Variants in SCYL2 observed in about 807,000 individuals in gnomAD.
SCYL2 encodes the protein SCY1 like pseudokinase 2.
SCYL2 carries 36 observed loss-of-function variants against 100.4 expected under a neutral mutation model. The ratio of observed to expected loss-of-function variants is 0.36; its 90% confidence interval spans 0.27 to 0.47. The LOEUF is 0.47. SCYL2 is among the 20% of genes least tolerant of loss of function. SCYL2 has a pLI of 1.00. For synonymous variants in SCYL2, 330 were observed against 359.2 expected (o/e 0.92, Z 0.92); for missense variants, 902 against 1,083.9 (o/e 0.83, Z 2.36).
intron 3 of SCYL2, among the ~76,000 whole-genome samples, chr12:100,294,009 T>C (rs1253169265): frequency 1.3e-5 from 2 of 151,544 alleles, no homozygotes; most frequent in African/African-American, 4.8e-5. Context: ...AAAGCCGCGA[T>C]TGTCATCCTG....
intron 13 of SCYL2, among the ~76,000 whole-genome samples, chr12:100,332,306 C>G (rs1255899424): frequency 6.6e-6 from 1 of 152,122 alleles, no homozygotes; most frequent in African/African-American, 2.4e-5. Context: ...GGCAGGTGTA[C>G]AGCATAGAAC....
At chr12:100,322,347 T>G (rs1592963199) in intron 10 of SCYL2, among the ~76,000 whole-genome samples, 2 of 116,566 alleles carry the variant, frequency 1.7e-5, no homozygotes, top group Non-Finnish European at 3.2e-5. Context: ...CACTCCAGCC[T>G]GGGCGACAGA....
At chr12:100,324,242 T>C (rs1294968276) in intron 11 of SCYL2, among the ~76,000 whole-genome samples, 1 of 152,198 alleles carries the variant, frequency 6.6e-6, no homozygotes, top group Non-Finnish European at 1.5e-5. Flanking sequence ...TTATCTCATA[T>C]TGAAAGCAAT....
At chr12:100,319,079 T>A (rs1020070767) in intron 10 of SCYL2, 17 of 321,374 alleles carry the variant, frequency 5.3e-5, no homozygotes, top group Admixed American at 1.2e-4. Flanking sequence ...AGGATTTTTT[T>A]AAGTTATTTA....
intron 14 of SCYL2, among the ~76,000 whole-genome samples, 189 bp from the exon 15 acceptor site, chr12:100,335,436 G>T (rs1952263072): frequency 6.6e-6 from 1 of 151,922 alleles, no homozygotes; most frequent in Admixed American, 6.6e-5. Context: ...TTTAAGAAAT[G>T]GACTTACATA....
Position 100,298,084 on chromosome 12 carries a change from T to G in SCYL2, c.389T>G (p.Leu130Arg), listed in dbSNP as rs1054257591. 2 of 1,611,800 alleles carry G rather than the reference T, an allele frequency of 1.2e-6. No homozygotes were observed. The highest frequency in any genetic ancestry group is 8.5e-7 in the Non-Finnish European group (1 of 1,179,042). ...GTTTTTGCCAGTTTAGCCAATGTTC[T>G]TGGTAACTGGGAAAATCTACCTTCC... ...EPVFASLANV[L>R]GNWENLPSPI... The change falls in exon 4 of 18, where the codon CTT (leucine) becomes CGT (arginine). Residue 130 changes from leucine to arginine, a missense_variant. By Grantham distance (102) the Leu-to-Arg change is moderately radical. Transcript: ENST00000360820.
rs544032106 is a variant in SCYL2, at chr12:100,339,361, T to G, written c.*189T>G. ...CTAACCAGTTGAGTTTTTTAAAGCATTGAGGATTTTTTCCTCTTACCAACT... is the reference window on the plus strand; with the variant it reads ...CTAACCAGTTGAGTTTTTTAAAGCAGTGAGGATTTTTTCCTCTTACCAACT... On this transcript the variant is annotated 3_prime_UTR_variant, in exon 18 of 18. Transcript: ENST00000360820. The G allele has an allele frequency of 1.7e-6, 1 of 576,458 alleles. No homozygotes were observed. Among genetic ancestry groups the G allele is most frequent in the African/African-American group, 1.9e-5 (1 of 52,726 alleles). 35.7% of individuals were successfully genotyped at this position (576,458 alleles called of 1,614,324 possible).
Position 100,312,860 on chromosome 12 carries a change from G to A in SCYL2, c.852+207G>A, listed in dbSNP as rs186584224. ...AGGCCAGGTGCTCTGGCTCACGCCT[G>A]TAATCCCAGCACTTGGGGAGACCCA... is the stretch of plus-strand genomic sequence containing the variant. On this transcript the variant is annotated intron_variant, in intron 6 of 17. Transcript: ENST00000360820. Among the ~76,000 whole-genome samples, 78 of 152,280 alleles carry A rather than the reference G, an allele frequency of 5.1e-4. 2 individuals are homozygous for A. Among genetic ancestry groups the A allele is most frequent in the Middle Eastern group, 3.4e-3 (1 of 294 alleles).
At chr12:100,332,140 G>A (rs774207775) in intron 13 of SCYL2, among the ~76,000 whole-genome samples, 2 of 152,264 alleles carry the variant, frequency 1.3e-5, no homozygotes, top group Non-Finnish European at 1.5e-5. Flanking sequence ...GTGAAATCAC[G>A]CAGGATTCCC....
intron 16 of SCYL2, among the ~76,000 whole-genome samples, chr12:100,336,835 T>C (rs2135946037): frequency 6.6e-6 from 1 of 152,280 alleles, no homozygotes; most frequent in African/African-American, 2.4e-5. Context: ...GGCATTCTTC[T>C]ATTCATTCAT....
chr12:100,312,529 G>C lies in SCYL2; in HGVS notation c.728G>C (p.Cys243Ser). 1 of 1,613,526 alleles carries C rather than the reference G, an allele frequency of 6.2e-7. No individual in the cohort carries two copies. Among genetic ancestry groups the C allele is most frequent in the South Asian group, 1.1e-5 (1 of 91,068 alleles). The change falls in exon 6 of 18, where the codon TGT becomes TCT. Residue 243 changes from cysteine to serine, a missense_variant. Transcript: ENST00000360820. Reference sequence around the variant, plus strand: ...CCTGAATACATACTTTCTGTGAGCTGTGAAACAGCCAGTGATATGTATTCT... The same window carrying C: ...CCTGAATACATACTTTCTGTGAGCTCTGAAACAGCCAGTGATATGTATTCT... ...LAPEYILSVS[C>S]ETASDMYSLG... is the part of the protein sequence containing the mutation.
chr12:100,267,316 G>A lies in SCYL2; in HGVS notation c.-505G>A, dbSNP rs1051000290. ...GAGTCAGTGGCCAGGCACGAAGGCAGAGCAGGAACAGCCAGGAGGCGTTTA... is the reference window on the plus strand; with the variant it reads ...GAGTCAGTGGCCAGGCACGAAGGCAAAGCAGGAACAGCCAGGAGGCGTTTA... On this transcript the variant is annotated 5_prime_UTR_variant, in exon 1 of 18. Coordinates refer to ENST00000360820, the MANE Select transcript of SCYL2 (RefSeq NM_017988.6). The A allele has an allele frequency of 3.9e-5, 18 of 464,292 alleles. No individual in the cohort carries two copies. In the South Asian group the frequency reaches 5.7e-4, roughly 15 times the overall value. The allele number at this position is 464,292 out of a possible 1,614,324, so 28.8% of individuals were successfully genotyped here.
At chr12:100,283,968 C>G (rs2096301695) in intron 2 of SCYL2, among the ~76,000 whole-genome samples, 1 of 152,080 alleles carries the variant, frequency 6.6e-6, no homozygotes, top group African/African-American at 2.4e-5. Context: ...TTGCTTTTTT[C>G]TTCAATTCAC....
intron 4 of SCYL2, among the ~76,000 whole-genome samples, chr12:100,307,853 A>G (rs2096336573): frequency 6.6e-6 from 1 of 152,260 alleles, no homozygotes; most frequent in Non-Finnish European, 1.5e-5. Context: ...ACTTCTGAAA[A>G]GGACATTTAT....
At chr12:100,294,422 G>T (rs1391112217) in intron 3 of SCYL2, among the ~76,000 whole-genome samples, 8 of 102,448 alleles carry the variant, frequency 7.8e-5, no homozygotes, top group East Asian at 3.1e-4. Context: ...GCGGCTGGCC[G>T]GGCGGGGGGG....
In SCYL2 at chr12:100,294,365, G is replaced by A. The variant is rs1157621381; in HGVS notation, c.335+2705G>A. 8.6e-4 allele frequency among the ~76,000 whole-genome samples: 90 copies of A among 104,534 alleles called. No individual in the cohort carries two copies. In the East Asian group the frequency reaches 0.012, roughly 14 times the overall value. 68.6% of individuals were successfully genotyped at this position (104,534 alleles called of 152,430 possible). A position where few individuals can be genotyped will look rare whatever the true frequency, so the allele number is the denominator to read the frequency against. On this transcript the variant is annotated intron_variant, in intron 3 of 17. Coordinates refer to ENST00000360820, the MANE Select transcript of SCYL2 (RefSeq NM_017988.6). ...GCGCCCCTCACCTCCCAGACGGGGC[G>A]GCTGGCCGGGCGGGGGGCTGACCCC... is the stretch of plus-strand genomic sequence containing the variant.
chr12:100,297,926 AC>A, intron 3 of SCYL2, 104 bp from the exon 4 acceptor site: 1 of 899,520 alleles, frequency 1.1e-6, no homozygotes, highest in African/African-American at 1.7e-5. Context: ...TAAAATAGTT[AC>A]CTTCTTATTG....
In SCYL2 at chr12:100,308,425, G is replaced by A. The variant is rs910748690; in HGVS notation, c.481-2619G>A. Among the ~76,000 whole-genome samples, 3 of 152,086 alleles carry A rather than the reference G, an allele frequency of 2.0e-5. No individual in the cohort carries two copies. In the East Asian group the frequency reaches 5.8e-4, roughly 29 times the overall value. On this transcript the variant is annotated intron_variant, in intron 4 of 17. Coordinates refer to ENST00000360820, the MANE Select transcript of SCYL2 (RefSeq NM_017988.6). Reference sequence around the variant, plus strand: ...CACCGCATGTTCTCACTTATAAGTGGGAGTTGAACAGTGAGAACACATGGA... The same window carrying A: ...CACCGCATGTTCTCACTTATAAGTGAGAGTTGAACAGTGAGAACACATGGA...
At position 100,326,633 on chromosome 12, in the gene SCYL2, T is replaced by C. The variant is rs2135927156; in HGVS notation, c.1521T>C (p.Asn507=). Residue 507 remains asparagine (N), a synonymous_variant, in exon 12 of 18, where the codon AAT becomes AAC. Transcript: ENST00000360820. ...ACCTCTTTTAATAGGTTCGTGTAAA[T>C]TCATTAGTGTGCTTAGGAAAGATTT... ...LQTSSLAVRV[N]SLVCLGKILE... 6 of 1,596,350 alleles carry C rather than the reference T, an allele frequency of 3.8e-6. No homozygotes were observed. The highest frequency in any genetic ancestry group is 5.1e-6 in the Non-Finnish European group (6 of 1,174,454).
Sources: gnomAD v4.1 joint callset for allele counts (sites outside exome capture counted in the v4.1 genomes callset) on GRCh38, gnomAD v4.1.1 for gene constraint, MANE v1.5 for transcripts, NCBI Gene and HGNC (gene_info 2026-07-23, HGNC 2026-07-21) for gene names.